Variants in ATP2B2 observed in about 807,000 individuals in gnomAD.
ATP2B2 encodes the protein ATPase plasma membrane Ca2+ transporting 2, also known as plasma membrane calcium-transporting ATPase 2.
In ATP2B2, 15 loss-of-function variants were observed where a neutral mutation model predicts 120.0. The observed-to-expected ratio is 0.12, with a 90% CI of 0.08 to 0.19. The LOEUF is 0.19. Among genes scored for constraint, ATP2B2 ranks in the 10% least tolerant of loss-of-function variants. ATP2B2 has a pLI of 1.00. For missense variants in ATP2B2, 1,045 were observed against 1,719.8 expected, an observed-to-expected ratio of 0.61 and a Z score of 6.94; for synonymous variants, 694 against 700.3, an observed-to-expected ratio of 0.99 and a Z score of 0.14.
At chr3:10,555,633 C>T (rs986619958) in intron 2 of ATP2B2, among the ~76,000 whole-genome samples, 5 of 152,212 alleles carry the variant, frequency 3.3e-5, no homozygotes, top group Admixed American at 6.5e-5. Flanking sequence ...ACTAGTTATG[C>T]CTCTTCTCTG....
At chr3:10,543,579 G>A (rs2067482894) in intron 2 of ATP2B2, among the ~76,000 whole-genome samples, 1 of 152,010 alleles carries the variant, frequency 6.6e-6, no homozygotes. Flanking sequence ...GGAAAATATA[G>A]TTATTTTTCA....
chr3:10,463,920 G>A (rs955139153), intron 1 of ATP2B2, among the ~76,000 whole-genome samples: 10 of 152,194 alleles, frequency 6.6e-5, no homozygotes, highest in Admixed American at 2.6e-4. Context: ...GGTGGGGTGT[G>A]GGGGGGCACA....
chr3:10,662,744 ATATACCTAAAGGAC>A (rs2070820267), intron 1 of ATP2B2, among the ~76,000 whole-genome samples: 1 of 152,054 alleles, frequency 6.6e-6, no homozygotes, highest in Admixed American at 6.5e-5. Flanking sequence ...ATTACTGGGT[ATATACCTAAAGGAC>A]TATAAATCAT....
chr3:10,464,654 T>C (rs557142898), intron 1 of ATP2B2, among the ~76,000 whole-genome samples: 11 of 152,326 alleles, frequency 7.2e-5, no homozygotes, highest in African/African-American at 2.2e-4. Context: ...CTACCTTCCA[T>C]GGAAACCACT....
chr3:10,566,786 G>A (rs1286324627), intron 2 of ATP2B2, among the ~76,000 whole-genome samples: 1 of 152,196 alleles, frequency 6.6e-6, no homozygotes, highest in Non-Finnish European at 1.5e-5. Flanking sequence ...TTAACATGGG[G>A]CCAGTTCTTG....
At chr3:10,556,440 T>C (rs150469545) in intron 2 of ATP2B2, among the ~76,000 whole-genome samples, 95 of 152,292 alleles carry the variant, frequency 6.2e-4, no homozygotes, top group African/African-American at 2.2e-3. Context: ...ATTGACTGTG[T>C]CAGGAGAGGA....
intron 2 of ATP2B2, among the ~76,000 whole-genome samples, chr3:10,565,228 AAAGTTTTCTACCCTGCT>A (rs1218475591): frequency 6.6e-6 from 1 of 152,112 alleles, no homozygotes; most frequent in Non-Finnish European, 1.5e-5. Flanking sequence ...GACCCTAGAA[AAAGTTTTCTACCCTGCT>A]ATTTGGAGGT....
chr3:10,386,915 G>A (rs2061698785), intron 6 of ATP2B2, among the ~76,000 whole-genome samples: 1 of 152,152 alleles, frequency 6.6e-6, no homozygotes, highest in Admixed American at 6.6e-5. Context: ...CTTCCTACTG[G>A]CATTTAAAAA....
At chr3:10,581,386 T>G (rs752598451) in intron 2 of ATP2B2, among the ~76,000 whole-genome samples, 2 of 152,022 alleles carry the variant, frequency 1.3e-5, no homozygotes, top group African/African-American at 2.4e-5. Context: ...GATGGTAAGA[T>G]GAGAGATCTG....
chr3:10,326,207 G>A lies in ATP2B2; in HGVS notation c.*2607C>T, dbSNP rs3194714. 0.029 allele frequency: 4,427 copies of A among 152,964 alleles called. 209 individuals are homozygous for A. Among genetic ancestry groups the A allele is most frequent in the African/African-American group, 0.097 (4,018 of 41,522 alleles). The allele number at this position is 152,964 out of a possible 1,614,324, so 9.5% of individuals were successfully genotyped here. On this transcript the variant is annotated 3_prime_UTR_variant, in exon 23 of 23. Transcript: ENST00000360273. ...TACCCCATGCTGCTAGATATAGGAC[G>A]CAGAGTGCAAGCTTTATGTACTACA... is the stretch of plus-strand genomic sequence containing the variant.
intron 7 of ATP2B2, among the ~76,000 whole-genome samples, 162 bp from the exon 8 acceptor site, chr3:10,385,489 A>C (rs1040057902): frequency 6.6e-6 from 1 of 152,170 alleles, no homozygotes; most frequent in Non-Finnish European, 1.5e-5. Flanking sequence ...TGGGGGTGAA[A>C]TGTTCCATAG....
At chr3:10,503,935 G>A (rs1031176791) in intron 1 of ATP2B2, among the ~76,000 whole-genome samples, 5 of 152,254 alleles carry the variant, frequency 3.3e-5, no homozygotes, top group East Asian at 1.9e-4. Flanking sequence ...TGTTTTGCAC[G>A]TGAGCATGTG....
chr3:10,672,653 G>C (rs374830919), intron 1 of ATP2B2, among the ~76,000 whole-genome samples: 9 of 152,354 alleles, frequency 5.9e-5, no homozygotes, highest in Non-Finnish European at 2.9e-5. Context: ...ACTGGCCACC[G>C]AGCAGTAATC....
intron 2 of ATP2B2, among the ~76,000 whole-genome samples, chr3:10,425,786 C>T (rs911538570): frequency 6.6e-6 from 1 of 152,206 alleles, no homozygotes; most frequent in African/African-American, 2.4e-5. Context: ...CCTTGCTCAC[C>T]TGGATGGCCT....
rs1222023948 is a variant in ATP2B2, at chr3:10,340,329, T to G, written c.3150A>C (p.Gly1050=). 6.2e-7 allele frequency: 1 copy of G among 1,614,114 alleles called. No homozygotes were observed. The highest frequency in any genetic ancestry group is 1.1e-5 in the South Asian group (1 of 91,066). Residue 1050 remains glycine, a synonymous_variant, in exon 21 of 23, where the codon GGA becomes GGC. Transcript: ENST00000360273. This position sits in a 1 kb window ranked among gnomAD's most constrained non-coding sequence, Gnocchi z 5.0. ...GTGGAGAGCAGCTGAATGGCTTCCC[T>G]CCAAACTGCACGATCACTATCTGGA... ...FAIQIVIVQF[G]GKPFSCSPLQ...
intron 2 of ATP2B2, among the ~76,000 whole-genome samples, chr3:10,551,210 T>C (rs1320524515): frequency 6.6e-6 from 1 of 152,258 alleles, no homozygotes; most frequent in African/African-American, 2.4e-5. Context: ...GCTCAGCTCC[T>C]ATTCTTAAGG....
At chr3:10,376,579 C>G (rs1394691914) in intron 10 of ATP2B2, among the ~76,000 whole-genome samples, 1 of 152,216 alleles carries the variant, frequency 6.6e-6, no homozygotes. Flanking sequence ...TGCCCATCCC[C>G]CATCTGCTAC....
At chr3:10,616,748 G>A (rs1024485599) in intron 2 of ATP2B2, among the ~76,000 whole-genome samples, 1 of 152,046 alleles carries the variant, frequency 6.6e-6, no homozygotes, top group African/African-American at 2.4e-5. Flanking sequence ...TCCTCTTTGT[G>A]ATTATATAAA....
intron 2 of ATP2B2, among the ~76,000 whole-genome samples, chr3:10,428,165 T>C (rs998243809): frequency 2.0e-5 from 3 of 152,102 alleles, no homozygotes; most frequent in Non-Finnish European, 4.4e-5. Context: ...GCCTCAGTAT[T>C]CCCATCTGAA....
Sources: allele counts gnomAD v4.1 joint callset (sites outside exome capture counted in the v4.1 genomes callset), GRCh38; gene constraint gnomAD v4.1.1; non-coding constraint Gnocchi (gnomAD v3.1); transcripts MANE v1.5; gene names NCBI Gene and HGNC (gene_info 2026-07-23, HGNC 2026-07-21).